Variants in DMD observed in about 807,000 individuals in gnomAD.
DMD encodes mutant dystrophin.
DMD carries 63 observed loss-of-function variants against 330.1 expected under a neutral mutation model. The ratio of observed to expected loss-of-function variants is 0.19; its 90% confidence interval spans 0.16 to 0.24. The LOEUF (loss-of-function observed/expected upper bound fraction) is 0.24, where lower values mean the gene tolerates loss of function less well. Among genes scored for constraint, DMD ranks in the 10% least tolerant of loss-of-function variants. DMD has a pLI of 1.00. For synonymous variants in DMD, 1,223 were observed against 959.8 expected (o/e 1.27, Z -5.07); for missense variants, 3,344 against 2,684.1 (o/e 1.25, Z -5.43).
intron 2 of DMD, among the ~76,000 whole-genome samples, chrX:32,863,318 A>G (rs2082212028): frequency 9.2e-6 from 1 of 108,777 alleles, no homozygotes; most frequent in South Asian, 4.1e-4. Flanking sequence ...GGAGTTTGAG[A>G]CCAGCCTGGC....
intron 13 of DMD, among the ~76,000 whole-genome samples, chrX:32,576,521 T>C (rs147205289): frequency 3.8e-3 from 422 of 110,643 alleles, no homozygotes; most frequent in Non-Finnish European, 6.7e-3. Context: ...GCGGGTAACA[T>C]TGACAGCATG....
intron 18 of DMD, among the ~76,000 whole-genome samples, chrX:32,515,198 C>G (rs2045738040): frequency 9.0e-6 from 1 of 110,624 alleles, no homozygotes; most frequent in Non-Finnish European, 1.9e-5. Context: ...AGTGTTTGAG[C>G]CTGCCGAGTG....
At chrX:31,595,323 T>C (rs186862459) in intron 55 of DMD, among the ~76,000 whole-genome samples, 32 of 111,173 alleles carry the variant, frequency 2.9e-4, no homozygotes, top group Admixed American at 2.6e-3. Flanking sequence ...ATGCTTCAGA[T>C]GGATTAAGCA....
intron 44 of DMD, among the ~76,000 whole-genome samples, chrX:32,042,478 C>G (rs1355381236): frequency 9.0e-6 from 1 of 110,857 alleles, no homozygotes; most frequent in African/African-American, 3.3e-5. Flanking sequence ...ATCAGGAGAA[C>G]AGCATGGGCA....
intron 44 of DMD, among the ~76,000 whole-genome samples, chrX:32,056,178 T>C (rs1173468501): frequency 2.7e-5 from 3 of 110,174 alleles, no homozygotes; most frequent in African/African-American, 9.9e-5. Flanking sequence ...TCCTTCCAAC[T>C]GCTAAAGAAA....
chrX:32,662,708 C>T lies in DMD; in HGVS notation c.961-17556G>A, dbSNP rs1052896154. The stretch of plus-strand genomic sequence containing the variant: ...AGGTGTTATTTCTCTTTCATTTGGC[C>T]TTTCACAGCTCATTAGTACCTCAAC... On this transcript the variant is annotated intron_variant, in intron 9 of 78. Coordinates refer to ENST00000357033, the MANE Select transcript of DMD (RefSeq NM_004006.3). 1.2e-4 allele frequency among the ~76,000 whole-genome samples: 13 copies of T among 111,641 alleles called. No homozygotes were observed. The Admixed American group carries it at 1.2e-3, about 11-fold the overall frequency.
chrX:32,892,403 GTTTC>G (rs1370955258), intron 2 of DMD, among the ~76,000 whole-genome samples: 1 of 111,295 alleles, frequency 9.0e-6, no homozygotes. Context: ...TTTGTTTTTT[GTTTC>G]TTTGAGACAG....
chrX:33,088,883 A>G (rs2095046294), intron 1 of DMD, among the ~76,000 whole-genome samples: 1 of 110,918 alleles, frequency 9.0e-6, no homozygotes, highest in African/African-American at 3.3e-5. Flanking sequence ...AAGTGACACA[A>G]AAAGGTGAGT....
intron 67 of DMD, among the ~76,000 whole-genome samples, chrX:31,196,074 A>G (rs760532450): frequency 8.9e-6 from 1 of 112,287 alleles, no homozygotes; most frequent in East Asian, 2.8e-4. Context: ...AAACCACTTA[A>G]ACAGATCATC....
At chrX:32,536,287 A>AAAAAAC (rs1556769787) in intron 17 of DMD, among the ~76,000 whole-genome samples, 8 of 106,058 alleles carry the variant, frequency 7.5e-5, no homozygotes, top group African/African-American at 2.6e-4. Context: ...AAAAAAAAAA[A>AAAAAAC]ACACACAAAT....
chrX:32,691,919 C>A (rs1247161499), intron 9 of DMD, among the ~76,000 whole-genome samples: 1 of 111,693 alleles, frequency 9.0e-6, no homozygotes, highest in African/African-American at 3.3e-5. Context: ...AGGACAAACA[C>A]TCCATGATTC....
intron 2 of DMD, among the ~76,000 whole-genome samples, chrX:32,914,815 A>G (rs2087641892): frequency 8.9e-6 from 1 of 112,449 alleles, no homozygotes; most frequent in Non-Finnish European, 1.9e-5. Context: ...TTAAATATAA[A>G]AACAAACTAA....
chrX:33,013,598 C>T (rs779814324), intron 2 of DMD, among the ~76,000 whole-genome samples: 35 of 111,887 alleles, frequency 3.1e-4, no homozygotes, highest in African/African-American at 1.1e-3. Flanking sequence ...TAGCTCTGCT[C>T]GATTACTTCT....
chrX:31,618,623 G>T (rs759689640), intron 55 of DMD, among the ~76,000 whole-genome samples: 36 of 111,950 alleles, frequency 3.2e-4, no homozygotes, highest in African/African-American at 1.1e-3. Context: ...TAATGGGTAG[G>T]ACAGTAGAGT....
intron 51 of DMD, among the ~76,000 whole-genome samples, chrX:31,731,860 T>A (rs1237694414): frequency 9.0e-6 from 1 of 111,612 alleles, no homozygotes; most frequent in Non-Finnish European, 1.9e-5. Flanking sequence ...AAAGTTCATT[T>A]AAGAAGTATG....
At chrX:31,478,945 T>C (rs1476528487) in intron 58 of DMD, 38 bp downstream of exon 58, 1 of 1,202,607 alleles carries the variant, frequency 8.3e-7, no homozygotes, top group Admixed American at 2.2e-5. Flanking sequence ...CCACTGATCC[T>C]TCTATCAATA....
intron 61 of DMD, among the ~76,000 whole-genome samples, chrX:31,338,641 T>TTG (rs1386667551): frequency 1.8e-5 from 2 of 111,006 alleles, no homozygotes; most frequent in East Asian, 5.7e-4. Flanking sequence ...AACAAATTAC[T>TTG]TCTACAAGAA....
intron 1 of DMD, among the ~76,000 whole-genome samples, chrX:33,202,871 A>G (rs1185424115): frequency 8.9e-6 from 1 of 111,988 alleles, no homozygotes; most frequent in Non-Finnish European, 1.9e-5. Flanking sequence ...CAAAGAGAAC[A>G]TAGGTGTTCA....
intron 44 of DMD, among the ~76,000 whole-genome samples, chrX:32,076,052 CAAAAAAAAAAAAAAAAAA>C (rs59686294): frequency 1.6e-4 from 3 of 18,758 alleles, no homozygotes; most frequent in East Asian, 2.4e-3. Context: ...GACTCTGTCT[CAAAAAAAAAAAAAAAAAA>C]AAAAAAAAAA....
Sources: gnomAD v4.1 joint callset for allele counts (sites outside exome capture counted in the v4.1 genomes callset) on GRCh38, gnomAD v4.1.1 for gene constraint, MANE v1.5 for transcripts, NCBI Gene and HGNC (gene_info 2026-07-23, HGNC 2026-07-21) for gene names.